Variants in GPHN observed in about 807,000 individuals in gnomAD.
GPHN encodes the protein gephyrin.
In GPHN, 17 loss-of-function variants were observed where a neutral mutation model predicts 95.5. That is an observed-to-expected ratio of 0.18 (90% CI 0.12 to 0.27). The LOEUF is 0.27. Among genes scored for constraint, GPHN ranks in the 10% least tolerant of loss-of-function variants. The pLI, the probability that GPHN is intolerant of heterozygous loss-of-function variation, is 1.00. For missense variants in GPHN, 660 were observed against 978.1 expected (o/e 0.67, Z 4.34); for synonymous variants, 320 against 322.5 (o/e 0.99, Z 0.08).
chr14:67,208,920 A>G, the GPHN span, among the ~76,000 whole-genome samples: 13 of 151,950 alleles, frequency 8.6e-5, no homozygotes, highest in African/African-American at 2.9e-4. Flanking sequence ...GAAAAGAAAA[A>G]AAAAAGAAGC....
intron 2 of GPHN, among the ~76,000 whole-genome samples, chr14:66,697,863 A>G (rs1054358752): frequency 1.5e-4 from 22 of 151,616 alleles, no homozygotes; most frequent in African/African-American, 4.8e-4. Context: ...ACTTTTTACA[A>G]TTATTATTTA....
At chr14:67,306,569 A>G in the GPHN span, among the ~76,000 whole-genome samples, 1 of 151,064 alleles carries the variant, frequency 6.6e-6, no homozygotes, top group Admixed American at 6.6e-5. Context: ...GAGTTTCACC[A>G]TGTTGGCCAG....
chr14:66,785,733 C>CAAA (rs1389067552), intron 3 of GPHN, among the ~76,000 whole-genome samples: 2 of 106,888 alleles, frequency 1.9e-5, no homozygotes, highest in African/African-American at 6.8e-5. Flanking sequence ...AAAAAACAAA[C>CAAA]AAAAAAAAAA....
intron 1 of GPHN, among the ~76,000 whole-genome samples, chr14:66,635,632 GTGTAATTC>G (rs1297618564): frequency 6.6e-6 from 1 of 152,108 alleles, no homozygotes; most frequent in Non-Finnish European, 1.5e-5. Context: ...TTTTAAGTGG[GTGTAATTC>G]TGATATCTGC....
the GPHN span, among the ~76,000 whole-genome samples, chr14:67,382,172 A>G: frequency 6.6e-6 from 1 of 152,030 alleles, no homozygotes. Flanking sequence ...GCCACCAAAG[A>G]TACACGGAAA....
At chr14:67,468,871 G>C in the GPHN span, among the ~76,000 whole-genome samples, 2 of 150,372 alleles carry the variant, frequency 1.3e-5, no homozygotes, top group Non-Finnish European at 3.0e-5. Context: ...CTCCAGTCTG[G>C]GTAATAGAGT....
intron 1 of GPHN, among the ~76,000 whole-genome samples, chr14:66,579,050 A>G (rs2061036372): frequency 6.6e-6 from 1 of 151,892 alleles, no homozygotes; most frequent in East Asian, 1.9e-4. Flanking sequence ...TATAAAATGT[A>G]AATTTTGACA....
At chr14:66,682,807 A>G (rs911957997) in intron 2 of GPHN, among the ~76,000 whole-genome samples, 1 of 152,196 alleles carries the variant, frequency 6.6e-6, no homozygotes, top group Non-Finnish European at 1.5e-5. Flanking sequence ...ATAAGAATGT[A>G]TGTCTGTTTA....
the GPHN span, chr14:67,593,681 C>T: frequency 1.1e-6 from 1 of 915,772 alleles, no homozygotes; most frequent in Non-Finnish European, 1.8e-6. Flanking sequence ...AATCTGGGAA[C>T]ATCCCATGGG....
intron 9 of GPHN, among the ~76,000 whole-genome samples, chr14:67,020,416 G>A (rs1313710975): frequency 6.6e-6 from 1 of 152,006 alleles, no homozygotes; most frequent in Non-Finnish European, 1.5e-5. Flanking sequence ...TCTAAAGATT[G>A]TTGTTGTTTG....
intron 18 of GPHN, among the ~76,000 whole-genome samples, chr14:67,144,269 A>G (rs1301447106): frequency 5.3e-5 from 6 of 113,896 alleles, no homozygotes; most frequent in Non-Finnish European, 7.0e-5. Flanking sequence ...ATATATATAT[A>G]TATATATATA....
In GPHN at chr14:66,699,587, G is replaced by T. The variant is rs532296566; in HGVS notation, c.143+18402G>T. ...TGAATAATTTCAGGTCAATGTGGAA[G>T]ATGTCTGGTATTTTAAAGTATTCTG... is the stretch of plus-strand genomic sequence containing the variant. On this transcript the variant is annotated intron_variant, in intron 2 of 22. Coordinates refer to ENST00000478722, the MANE Select transcript of GPHN (RefSeq NM_020806.5). Among the ~76,000 whole-genome samples the T allele has an allele frequency of 3.3e-5, 5 of 152,260 alleles. No individual in the cohort carries two copies. In the South Asian group the frequency reaches 1.0e-3, roughly 32 times the overall value.
rs1379786001 is a variant in GPHN, at chr14:67,144,247, AAAAATATAT to A, written c.1836+800_1836+808del. On this transcript the variant is annotated intron_variant, in intron 18 of 22. Transcript: ENST00000478722. ...GCAAGACCCTGTCTTAAAAAAAAAA[AAAAATATAT>A]ATATATATATATATATATATATATA... is the stretch of plus-strand genomic sequence containing the variant. Among the ~76,000 whole-genome samples, 21 of 68,498 alleles carry A rather than the reference AAAAATATAT, an allele frequency of 3.1e-4. 1 individual carries two copies. Among genetic ancestry groups the A allele is most frequent in the Middle Eastern group, 6.1e-3 (1 of 164 alleles). The allele number at this position is 68,498 out of a possible 152,430, so 44.9% of individuals were successfully genotyped here.
At chr14:66,847,734 G>A (rs1463461008) in intron 4 of GPHN, among the ~76,000 whole-genome samples, 1 of 152,044 alleles carries the variant, frequency 6.6e-6, no homozygotes, top group Non-Finnish European at 1.5e-5. Context: ...TAAACATTTT[G>A]TGGAGGTTTC....
chr14:67,476,518 C>T, the GPHN span, among the ~76,000 whole-genome samples: 5 of 152,064 alleles, frequency 3.3e-5, no homozygotes, highest in East Asian at 3.9e-4. Flanking sequence ...ACCCAGGAGG[C>T]GGAGGTTGCA....
At chr14:67,530,423 C>T in the GPHN span, among the ~76,000 whole-genome samples, 1 of 152,126 alleles carries the variant, frequency 6.6e-6, no homozygotes, top group Non-Finnish European at 1.5e-5. Flanking sequence ...ATAGTGCTGT[C>T]CAAGGAACAA....
At chr14:66,834,000 C>T (rs1251379590) in intron 4 of GPHN, among the ~76,000 whole-genome samples, 1 of 152,168 alleles carries the variant, frequency 6.6e-6, no homozygotes, top group Non-Finnish European at 1.5e-5. Context: ...CCAGCCTGAA[C>T]ATTTCAACCA....
chr14:67,065,532 T>C (rs1214633106), intron 11 of GPHN, among the ~76,000 whole-genome samples: 2 of 152,156 alleles, frequency 1.3e-5, no homozygotes, highest in Non-Finnish European at 2.9e-5. Context: ...AGTGGGGTGT[T>C]AAAGTCTCCC....
chr14:67,492,134 C>T, the GPHN span, among the ~76,000 whole-genome samples: 3 of 152,152 alleles, frequency 2.0e-5, no homozygotes, highest in Non-Finnish European at 2.9e-5. Context: ...CTCTCAAAGT[C>T]CCCCACTGAG....
Sources: gnomAD v4.1 joint callset for allele counts (sites outside exome capture counted in the v4.1 genomes callset) on GRCh38, gnomAD v4.1.1 for gene constraint, MANE v1.5 for transcripts, NCBI Gene and HGNC (gene_info 2026-07-23, HGNC 2026-07-21) for gene names.